Variants in GFRA2 observed in about 807,000 individuals in gnomAD.
GFRA2 encodes GDNF family receptor alpha-2.
Under a neutral mutation model 48.3 loss-of-function variants are expected in GFRA2, and 17 were observed. The observed-to-expected ratio is 0.35, with a 90% CI of 0.24 to 0.53. The LOEUF (loss-of-function observed/expected upper bound fraction) is 0.53, where lower values mean the gene tolerates loss of function less well. GFRA2 is among the 20% of genes least tolerant of loss of function. The probability of loss-of-function intolerance (pLI) is 0.93; values close to 1 mark genes in which losing one functional copy is unlikely to be tolerated. For missense variants in GFRA2, 660 were observed against 637.3 expected (o/e 1.04, Z -0.38); for synonymous variants, 305 against 257.2 (o/e 1.19, Z -1.78).
At position 21,782,652 on chromosome 8, in the gene GFRA2, C is replaced by A; in HGVS notation, c.288G>T (p.Lys96Asn). Reference protein sequence around the residue: ...QESPLYDCRCKRGMKKELQCL... With the variant: ...QESPLYDCRCNRGMKKELQCL... Reference sequence around the variant, plus strand: ...ACTGCAGCTCCTTCTTCATGCCCCGCTTGCAGCGGCAGTCGTACAGCGGGC... The same window carrying A: ...ACTGCAGCTCCTTCTTCATGCCCCGATTGCAGCGGCAGTCGTACAGCGGGC... Residue 96 changes from lysine to asparagine, a missense_variant, in exon 2 of 9, where the codon AAG becomes AAT. Coordinates refer to ENST00000524240, the MANE Select transcript of GFRA2 (RefSeq NM_001495.5). 6.3e-7 allele frequency: 1 copy of A among 1,585,970 alleles called. No individual in the cohort carries two copies.
intron 2 of GFRA2, among the ~76,000 whole-genome samples, chr8:21,795,495 C>A (rs1281616209): frequency 6.6e-6 from 1 of 152,018 alleles, no homozygotes; most frequent in Non-Finnish European, 1.5e-5. Flanking sequence ...CAGGTTCAAG[C>A]GATTCTCATG....
At position 21,777,323 on chromosome 8, in the gene GFRA2, G is replaced by A. The variant is rs762515487; in HGVS notation, c.356-2268C>T. 1.7e-3 allele frequency among the ~76,000 whole-genome samples: 254 copies of A among 152,154 alleles called. 3 individuals are homozygous for A. Among genetic ancestry groups the A allele is most frequent in the Middle Eastern group, 3.4e-3 (1 of 294 alleles). Reference sequence around the variant, plus strand: ...TGTCCGCCAGATGGTGCCCCGGGGTGGTGTGGGGGCCTGTCCTTCCCTACT... The same window carrying A: ...TGTCCGCCAGATGGTGCCCCGGGGTAGTGTGGGGGCCTGTCCTTCCCTACT... On this transcript the variant is annotated intron_variant, in intron 2 of 8. Coordinates refer to ENST00000524240, the MANE Select transcript of GFRA2 (RefSeq NM_001495.5).
At chr8:21,720,875 T>C (rs4739286) in intron 4 of GFRA2, among the ~76,000 whole-genome samples, 116,922 of 152,050 alleles carry the variant, frequency 0.77, 45,420 homozygotes, top group African/African-American at 0.87. Flanking sequence ...TATTAAGCTA[T>C]GAGTTCCTTC....
chr8:21,697,762 C>T (rs1026882784), intron 7 of GFRA2, among the ~76,000 whole-genome samples: 4 of 152,108 alleles, frequency 2.6e-5, no homozygotes, highest in Middle Eastern at 3.2e-3. Context: ...GAATCATGGG[C>T]GTGGGTCTCT....
chr8:21,759,540 A>AGGAG (rs1563252268), intron 3 of GFRA2, among the ~76,000 whole-genome samples: 4 of 145,544 alleles, frequency 2.7e-5, no homozygotes, highest in African/African-American at 1.0e-4. Context: ...GAAGGAAGGA[A>AGGAG]GGAGGGAAGG....
At position 21,775,034 on chromosome 8, in the gene GFRA2, G is replaced by T; in HGVS notation, c.377C>A (p.Ser126Tyr). The T allele has an allele frequency of 1.3e-6, 2 of 1,598,284 alleles. No homozygotes were observed. The highest frequency in any genetic ancestry group is 1.7e-6 in the Non-Finnish European group (2 of 1,165,898). ...GCGGGAGGTCACCGGCTCATAGGGG[G>T]AGGCTTCGTAGAACTCCTCACCTGG... ...LTEGEEFYEA[S>Y]PYEPVTSRLS... The change falls in exon 3 of 9, where the codon TCC becomes TAC. Residue 126 changes from serine (S) to tyrosine (Y), a missense_variant. By Grantham distance (144) the Ser-to-Tyr change is moderately radical. Transcript: ENST00000524240.
chr8:21,694,599 C>A (rs1268379991), intron 7 of GFRA2, 82 bp from the exon 8 acceptor site: 1 of 1,293,254 alleles, frequency 7.7e-7, no homozygotes, highest in Non-Finnish European at 1.1e-6. Context: ...GATGAGGCCC[C>A]GCCATGCACT....
chr8:21,768,647 C>T (rs903192833), intron 3 of GFRA2, among the ~76,000 whole-genome samples: 19 of 152,236 alleles, frequency 1.2e-4, no homozygotes, highest in African/African-American at 4.1e-4. Context: ...CGAGCAAAGC[C>T]GGGCCCAATC....
intron 3 of GFRA2, among the ~76,000 whole-genome samples, chr8:21,758,021 C>T (rs530837059): frequency 1.1e-4 from 17 of 152,262 alleles, no homozygotes; most frequent in Non-Finnish European, 2.1e-4. Flanking sequence ...GGGAAGTCAC[C>T]GGTTTAGAGA....
intron 8 of GFRA2, 64 bp downstream of exon 8, chr8:21,694,400 G>T: frequency 6.8e-7 from 1 of 1,476,776 alleles, no homozygotes. Flanking sequence ...GAGGCTCGCC[G>T]GGGAAATGCC....
chr8:21,802,332 T>C (rs1807786631), intron 2 of GFRA2, among the ~76,000 whole-genome samples: 3 of 152,198 alleles, frequency 2.0e-5, no homozygotes, highest in Admixed American at 6.5e-5. Flanking sequence ...GGCACTGACA[T>C]AGACACATTG....
chr8:21,714,573 C>T (rs35713779), intron 4 of GFRA2, among the ~76,000 whole-genome samples: 2,472 of 152,186 alleles, frequency 0.016, 33 homozygotes, highest in Middle Eastern at 0.048. Context: ...TGTTATGTCA[C>T]TTCCATGGAA....
chr8:21,702,138 A>T (rs1378154065), intron 7 of GFRA2, among the ~76,000 whole-genome samples: 2 of 152,158 alleles, frequency 1.3e-5, no homozygotes, highest in Non-Finnish European at 2.9e-5. Flanking sequence ...GCTTGCAGCC[A>T]CTCAAGCATG....
In GFRA2 at chr8:21,750,576, C is replaced by G. The variant is rs377381681; in HGVS notation, c.794+12G>C. On this transcript the variant is annotated intron_variant, in intron 4 of 8. Transcript: ENST00000524240. This position sits in a 1 kb window ranked among gnomAD's most constrained non-coding sequence, Gnocchi z 5.7. Reference sequence around the variant, plus strand: ...CTCCTGCCAGCACCACCGGGGCTGCCGCGGCACTCACCGACACAGGTGGTC... The same window carrying G: ...CTCCTGCCAGCACCACCGGGGCTGCGGCGGCACTCACCGACACAGGTGGTC... 1.9e-6 allele frequency: 3 copies of G among 1,540,580 alleles called. No individual in the cohort carries two copies. The highest frequency in any genetic ancestry group is 1.8e-6 in the Non-Finnish European group (2 of 1,127,344).
At chr8:21,762,749 T>A (rs36185776) in intron 3 of GFRA2, among the ~76,000 whole-genome samples, 38,547 of 152,140 alleles carry the variant, frequency 0.25, 5,605 homozygotes, top group African/African-American at 0.39. Context: ...TCTATCTTTC[T>A]CATTCAAAGG....
intron 3 of GFRA2, among the ~76,000 whole-genome samples, chr8:21,769,975 G>A (rs1335303102): frequency 1.3e-5 from 2 of 152,120 alleles, no homozygotes; most frequent in Non-Finnish European, 1.5e-5. Flanking sequence ...ATGCATGCTG[G>A]CCAACCACGG....
intron 3 of GFRA2, among the ~76,000 whole-genome samples, chr8:21,764,764 A>C (rs1448783707): frequency 6.6e-6 from 1 of 152,168 alleles, no homozygotes; most frequent in African/African-American, 2.4e-5. Context: ...ACAGGTACAA[A>C]TGTGCCACCA....
intron 4 of GFRA2, among the ~76,000 whole-genome samples, chr8:21,738,529 A>C (rs1283871714): frequency 6.6e-6 from 1 of 151,922 alleles, no homozygotes; most frequent in Non-Finnish European, 1.5e-5. Flanking sequence ...AATCATGTCT[A>C]TCTCTTGCTT....
chr8:21,696,942 AG>A (rs1585220325), intron 7 of GFRA2, among the ~76,000 whole-genome samples: 1 of 58,830 alleles, frequency 1.7e-5, no homozygotes, highest in African/African-American at 6.7e-5. Context: ...GGACAGAGGA[AG>A]GGGGAGGGGA....
Sources: allele counts gnomAD v4.1 joint callset (sites outside exome capture counted in the v4.1 genomes callset), GRCh38; gene constraint gnomAD v4.1.1; non-coding constraint Gnocchi (gnomAD v3.1); transcripts MANE v1.5; gene names NCBI Gene and HGNC (gene_info 2026-07-23, HGNC 2026-07-21).